Variants in WNK1 observed in about 807,000 individuals in gnomAD.
WNK1 encodes serine/threonine-protein kinase WNK1.
WNK1 carries 38 observed loss-of-function variants against 222.8 expected under a neutral mutation model. The ratio of observed to expected loss-of-function variants is 0.17; its 90% CI spans 0.13 to 0.22. WNK1 has a LOEUF of 0.22. Ranked by LOEUF, WNK1 falls within the 10% of genes least tolerant of loss-of-function variation. The pLI is 1.00. For synonymous variants in WNK1, 1,090 were observed against 1,092.9 expected (o/e 1.00, Z 0.05); for missense variants, 2,348 against 2,918.4 (o/e 0.80, Z 4.50).
intron 4 of WNK1, among the ~76,000 whole-genome samples, chr12:842,989 G>A (rs1159896932): frequency 1.3e-5 from 2 of 152,174 alleles, no homozygotes; most frequent in African/African-American, 4.8e-5. Context: ...AGGTTGGAAT[G>A]TAGTGGCATG....
At chr12:807,525 A>G (rs77781819) in intron 1 of WNK1, among the ~76,000 whole-genome samples, 1,857 of 151,948 alleles carry the variant, frequency 0.012, 27 homozygotes, top group Non-Finnish European at 0.022. Context: ...TTCTTACAGG[A>G]TGACCCACTA....
At chr12:840,645 A>G (rs746763808) in intron 4 of WNK1, among the ~76,000 whole-genome samples, 23 of 152,300 alleles carry the variant, frequency 1.5e-4, no homozygotes, top group African/African-American at 4.8e-4. Context: ...ACAGCCTACA[A>G]TATTTACTAT....
chr12:874,591 CT>C (rs1952447548), intron 9 of WNK1, among the ~76,000 whole-genome samples: 1 of 152,080 alleles, frequency 6.6e-6, no homozygotes, highest in South Asian at 2.1e-4. Flanking sequence ...CCAGGTATGA[CT>C]ACTTTGAAAG....
At position 754,116 on chromosome 12, in the gene WNK1, G is replaced by T; in HGVS notation, c.551G>T (p.Gly184Val). 1 of 1,610,212 alleles carries T rather than the reference G, an allele frequency of 6.2e-7. No homozygotes were observed. The highest frequency in any genetic ancestry group is 2.2e-5 in the East Asian group (1 of 44,846). ...GAGGAGCCGCCGCCGGCGAGAAGTG[G>T]CAGCGGCGGCGGCAGCGCCAAGGAG... is the stretch of plus-strand genomic sequence containing the variant. ...SKEEPPPARS[G>V]SGGGSAKEPQ... The change falls in exon 1 of 28, where the codon GGC becomes GTC. Residue 184 changes from glycine (G) to valine (V), a missense_variant. Around this residue, in one of 13 missense-constraint regions of WNK1, gnomAD observed 185 missense variants for 159.2 expected, o/e 1.16. Transcript: ENST00000315939.
intron 1 of WNK1, among the ~76,000 whole-genome samples, chr12:803,018 C>T (rs1946032655): frequency 6.6e-6 from 1 of 152,054 alleles, no homozygotes; most frequent in Non-Finnish European, 1.5e-5. Context: ...GACTCAGGGA[C>T]ATCACACAAA....
chr12:856,415 C>T (rs1028919918), intron 4 of WNK1, among the ~76,000 whole-genome samples: 2 of 150,918 alleles, frequency 1.3e-5, no homozygotes, highest in Non-Finnish European at 2.9e-5. Context: ...GGTCACACCA[C>T]TGCACTCCAT....
intron 1 of WNK1, among the ~76,000 whole-genome samples, chr12:798,612 C>T (rs1195946637): frequency 6.8e-6 from 1 of 146,136 alleles, no homozygotes; most frequent in Non-Finnish European, 1.5e-5. Context: ...TCTGAGTATG[C>T]TGCACAACTG....
chr12:859,832 T>C (rs757722651), intron 6 of WNK1, among the ~76,000 whole-genome samples: 1 of 151,760 alleles, frequency 6.6e-6, no homozygotes, highest in Non-Finnish European at 1.5e-5. Flanking sequence ...CCTTCTGCCT[T>C]AGCCTGCCGA....
At chr12:869,867 A>G (rs903878719) in intron 8 of WNK1, among the ~76,000 whole-genome samples, 1 of 151,946 alleles carries the variant, frequency 6.6e-6, no homozygotes, top group Non-Finnish European at 1.5e-5. Context: ...GGAACAGTAG[A>G]CATCTTAGGC....
intron 1 of WNK1, 99 bp downstream of exon 1, chr12:754,423 T>TG: frequency 1.3e-6 from 2 of 1,525,736 alleles, no homozygotes; most frequent in Non-Finnish European, 1.8e-6. Context: ...CATTCTCTGT[T>TG]GGACTCCGAG....
chr12:911,245 T>C lies in WNK1; in HGVS notation c.*2453T>C. 1 of 398,556 alleles carries C rather than the reference T, an allele frequency of 2.5e-6. No individual in the cohort carries two copies. Among genetic ancestry groups the C allele is most frequent in the East Asian group, 3.6e-5 (1 of 28,064 alleles). 24.7% of individuals were successfully genotyped at this position (398,556 alleles called of 1,614,324 possible). A position where few individuals can be genotyped will look rare whatever the true frequency, so the allele number is the denominator to read the frequency against. Reference sequence around the variant, plus strand: ...TTAAAAACTTTCTGAATTATAAATGTTTTCCTTACATTATTTAACAATGTA... The same window carrying C: ...TTAAAAACTTTCTGAATTATAAATGCTTTCCTTACATTATTTAACAATGTA... On this transcript the variant is annotated 3_prime_UTR_variant, in exon 28 of 28. Coordinates refer to ENST00000315939, the MANE Select transcript of WNK1 (RefSeq NM_018979.4).
intron 1 of WNK1, among the ~76,000 whole-genome samples, chr12:756,728 T>G (rs760803590): frequency 6.6e-4 from 100 of 152,360 alleles, no homozygotes; most frequent in Non-Finnish European, 1.1e-3. Flanking sequence ...TTTGAACTTT[T>G]ATCTTTGGAG....
intron 4 of WNK1, among the ~76,000 whole-genome samples, chr12:834,780 T>C (rs1022164014): frequency 7.9e-5 from 12 of 152,158 alleles, no homozygotes; most frequent in African/African-American, 2.9e-4. Context: ...TGTCATCTTC[T>C]TGGGGGGGTG....
chr12:890,969 G>A (rs1201750534), intron 22 of WNK1, among the ~76,000 whole-genome samples: 1 of 152,044 alleles, frequency 6.6e-6, no homozygotes, highest in East Asian at 1.9e-4. Flanking sequence ...CATTTTAAAA[G>A]TGATTTGCAA....
intron 1 of WNK1, among the ~76,000 whole-genome samples, chr12:766,057 T>C (rs1941654869): frequency 6.6e-6 from 1 of 151,596 alleles, no homozygotes; most frequent in Non-Finnish European, 1.5e-5. Flanking sequence ...GTTTAATGAG[T>C]GGATGAGAGG....
chr12:866,991 C>T (rs1370522081), intron 8 of WNK1, among the ~76,000 whole-genome samples: 5 of 151,960 alleles, frequency 3.3e-5, no homozygotes, highest in Non-Finnish European at 7.4e-5. Context: ...GGCGTGGTGG[C>T]GCACGCGTGT....
chr12:854,988 C>T (rs1389709235), intron 4 of WNK1, among the ~76,000 whole-genome samples: 2 of 152,196 alleles, frequency 1.3e-5, no homozygotes, highest in South Asian at 4.1e-4. Flanking sequence ...TTTCAATATA[C>T]AGTTCGTTGA....
chr12:882,826 C>T (rs147406595), intron 14 of WNK1, 117 bp from the exon 15 acceptor site: 9 of 735,286 alleles, frequency 1.2e-5, no homozygotes, highest in African/African-American at 6.9e-5. Flanking sequence ...CAAGGAACAG[C>T]GATAACACTA....
intron 8 of WNK1, among the ~76,000 whole-genome samples, chr12:867,252 T>G (rs1021369723): frequency 1.3e-5 from 2 of 152,208 alleles, no homozygotes; most frequent in Non-Finnish European, 2.9e-5. Flanking sequence ...TCATCTAGCT[T>G]GGGAGAGATA....
Sources: allele counts gnomAD v4.1 joint callset (sites outside exome capture counted in the v4.1 genomes callset), GRCh38; gene constraint gnomAD v4.1.1; regional missense constraint gnomAD v4.1.1; transcripts MANE v1.5; gene names NCBI Gene and HGNC (gene_info 2026-07-23, HGNC 2026-07-21).